The following PUDP variants were observed in gnomAD, a reference collection of about 807,000 sequenced individuals.
PUDP encodes the protein pseudouridine 5'-phosphatase.
PUDP carries 8 observed loss-of-function variants against 9.4 expected under a neutral mutation model. That is an observed-to-expected ratio of 0.85 (90% confidence interval 0.50 to 1.53). PUDP has a LOEUF of 1.53. Among genes scored for constraint, PUDP ranks in the 40% most tolerant of loss-of-function variants. PUDP has a pLI of 0.00. For missense variants in PUDP, 188 were observed against 189.7 expected (o/e 0.99, Z 0.05); for synonymous variants, 99 against 80.7 (o/e 1.23, Z -1.22).
intron 3 of PUDP, among the ~76,000 whole-genome samples, chrX:6,793,094 C>T (rs1010835458): frequency 1.8e-5 from 2 of 112,445 alleles, no homozygotes; most frequent in East Asian, 2.8e-4. Flanking sequence ...ATTAAGCAGC[C>T]GGCAGACTTG....
At chrX:7,117,141 A>C (rs1793404764) in intron 1 of PUDP, 24 of 1,050,012 alleles carry the variant, frequency 2.3e-5, no homozygotes, top group Non-Finnish European at 2.9e-5. Context: ...TTGGTACCAG[A>C]AGTGGCGTGT....
intron 2 of PUDP, among the ~76,000 whole-genome samples, chrX:7,099,616 C>T (rs954780695): frequency 5.4e-5 from 6 of 111,623 alleles, no homozygotes; most frequent in Non-Finnish European, 1.1e-4. Flanking sequence ...AGCTGATGTG[C>T]GAGTGCATCA....
chrX:6,823,961 CA>C (rs1361024410), intron 3 of PUDP, among the ~76,000 whole-genome samples: 1 of 112,488 alleles, frequency 8.9e-6, no homozygotes, highest in Non-Finnish European at 1.9e-5. Context: ...CTCTCATTGC[CA>C]TCTTGGTTTT....
chrX:6,932,246 G>C (rs1273674324), intron 3 of PUDP, among the ~76,000 whole-genome samples: 1 of 111,362 alleles, frequency 9.0e-6, no homozygotes, highest in Non-Finnish European at 1.9e-5. Flanking sequence ...GGGCTTACCT[G>C]TGCTCCGTCA....
chrX:6,850,381 G>A (rs987350900), intron 3 of PUDP, among the ~76,000 whole-genome samples: 2 of 112,238 alleles, frequency 1.8e-5, no homozygotes, highest in African/African-American at 3.2e-5. Context: ...GACACGGGTG[G>A]TGGTTGTTCC....
chrX:7,107,829 CAA>C (rs756386433), intron 1 of PUDP, among the ~76,000 whole-genome samples: 1 of 111,681 alleles, frequency 9.0e-6, no homozygotes, highest in East Asian at 2.8e-4. Context: ...ATTATGTCTT[CAA>C]AAAAAAGAGA....
At chrX:6,876,929 A>G (rs1406371406) in intron 3 of PUDP, among the ~76,000 whole-genome samples, 1 of 105,332 alleles carries the variant, frequency 9.5e-6, no homozygotes, top group African/African-American at 3.5e-5. Context: ...ATATAGACAC[A>G]TATATACATT....
chrX:7,078,262 C>G (rs965524091), intron 2 of PUDP, among the ~76,000 whole-genome samples: 21 of 112,491 alleles, frequency 1.9e-4, no homozygotes, highest in African/African-American at 5.8e-4. Context: ...ACAGGAACAT[C>G]TAAATCCACA....
intron 3 of PUDP, among the ~76,000 whole-genome samples, chrX:6,845,265 T>C (rs1472372280): frequency 8.9e-6 from 1 of 111,738 alleles, no homozygotes; most frequent in African/African-American, 3.3e-5. Flanking sequence ...GGAGTCCTTA[T>C]GTAAAAATAA....
intron 3 of PUDP, among the ~76,000 whole-genome samples, chrX:6,924,775 T>C (rs2092203645): frequency 8.9e-6 from 1 of 112,638 alleles, no homozygotes; most frequent in African/African-American, 3.2e-5. Context: ...ATATTTGCAT[T>C]TCTTAAAAAA....
At chrX:6,790,363 T>C (rs780448365) in intron 3 of PUDP, among the ~76,000 whole-genome samples, 1 of 112,426 alleles carries the variant, frequency 8.9e-6, no homozygotes, top group Admixed American at 9.4e-5. Flanking sequence ...TATCCATCAA[T>C]TGGAGAATGA....
chrX:6,709,055 G>A (rs1284701793), intron 1 of PUDP, among the ~76,000 whole-genome samples: 1 of 112,068 alleles, frequency 8.9e-6, no homozygotes, highest in Admixed American at 9.5e-5. Flanking sequence ...CATGGCTCAG[G>A]GAATTGGAAG....
At position 6,890,710 on chromosome X, in the gene PUDP, T is replaced by C. The variant is rs772507855; in HGVS notation, c.*247+86423A>G. Reference sequence around the variant, plus strand: ...GGATGTGCTGTATAGCGAAAATACATGTTAGAGACGCTTTGTTCAGGATGA... The same window carrying C: ...GGATGTGCTGTATAGCGAAAATACACGTTAGAGACGCTTTGTTCAGGATGA... On this transcript the variant is annotated intron_variant and NMD_transcript_variant, in intron 3 of 3. Transcript: ENST00000655425. Among the ~76,000 whole-genome samples the C allele has an allele frequency of 2.7e-5, 3 of 109,853 alleles. No homozygotes were observed. In the South Asian group the frequency reaches 1.2e-3, roughly 43 times the overall value.
chrX:6,985,739 C>T (rs753310889), intron 1 of PUDP, among the ~76,000 whole-genome samples: 12 of 111,296 alleles, frequency 1.1e-4, no homozygotes, highest in South Asian at 7.9e-4. Context: ...CCTCTTGCCC[C>T]GTAATAATTC....
intron 2 of PUDP, among the ~76,000 whole-genome samples, chrX:7,080,304 T>C (rs185523486): frequency 1.8e-5 from 2 of 112,488 alleles, no homozygotes; most frequent in East Asian, 2.8e-4. Context: ...CTTCTGCCTA[T>C]GAAAGGAATT....
chrX:6,851,363 G>T (rs923396308), intron 3 of PUDP, among the ~76,000 whole-genome samples: 3 of 111,626 alleles, frequency 2.7e-5, no homozygotes, highest in African/African-American at 6.5e-5. Context: ...ACCAAAGATT[G>T]CAGACGTGTC....
At chrX:6,718,766 A>C (rs1035654348) in intron 1 of PUDP, among the ~76,000 whole-genome samples, 3 of 112,044 alleles carry the variant, frequency 2.7e-5, no homozygotes, top group African/African-American at 9.7e-5. Context: ...AAATCAAAAA[A>C]TGCCTTAAAA....
At chrX:7,069,394 C>T (rs1041544032) in intron 3 of PUDP, among the ~76,000 whole-genome samples, 3 of 110,947 alleles carry the variant, frequency 2.7e-5, no homozygotes, top group Admixed American at 9.6e-5. Flanking sequence ...TGGACACGGA[C>T]GTAAGGCTAC....
At chrX:6,827,446 C>T (rs190307246) in intron 3 of PUDP, among the ~76,000 whole-genome samples, 12 of 111,198 alleles carry the variant, frequency 1.1e-4, no homozygotes, top group South Asian at 3.8e-4. Flanking sequence ...TGGTGTATGC[C>T]GTATGTAAAT....
Sources: gnomAD v4.1 joint callset for allele counts (sites outside exome capture counted in the v4.1 genomes callset) on GRCh38, gnomAD v4.1.1 for gene constraint, MANE v1.5 for transcripts, NCBI Gene and HGNC (gene_info 2026-07-23, HGNC 2026-07-21) for gene names.